The following PFKFB3 variants were observed in gnomAD, a reference collection of about 807,000 sequenced individuals.
PFKFB3 encodes 6-phosphofructo-2-kinase/fructose-2,6-bisphosphatase 3.
A neutral mutation model predicts 68.0 loss-of-function variants in PFKFB3; 33 were observed. That is an observed-to-expected ratio of 0.49 (90% CI 0.37 to 0.65). The LOEUF is 0.65. Ranked by LOEUF, PFKFB3 falls within the 30% of genes least tolerant of loss-of-function variation. The probability of loss-of-function intolerance (pLI) is 0.00; values close to 1 mark genes in which losing one functional copy is unlikely to be tolerated. For missense variants in PFKFB3, 586 were observed against 712.2 expected, an observed-to-expected ratio of 0.82 and a Z score of 2.02; for synonymous variants, 315 against 288.2, an observed-to-expected ratio of 1.09 and a Z score of -0.94.
intron 1 of PFKFB3, among the ~76,000 whole-genome samples, chr10:6,150,929 G>A (rs1031347759): frequency 2.0e-5 from 3 of 152,198 alleles, no homozygotes; most frequent in South Asian, 4.1e-4. Context: ...AACCTGGGGG[G>A]GCGGAGATTG....
intron 6 of PFKFB3, among the ~76,000 whole-genome samples, chr10:6,217,731 C>A (rs562899523): frequency 9.9e-5 from 15 of 152,278 alleles, no homozygotes; most frequent in African/African-American, 3.4e-4. Context: ...ATTGAGGGCA[C>A]TTGGCATCAT....
chr10:6,229,779 C>T lies in PFKFB3; in HGVS notation c.1516-3116C>T, dbSNP rs950354534. Among the ~76,000 whole-genome samples the T allele has an allele frequency of 2.6e-5, 4 of 152,304 alleles. No homozygotes were observed. The highest frequency in any genetic ancestry group is 3.9e-4 in the East Asian group (2 of 5,186). On this transcript the variant is annotated intron_variant, in intron 14 of 14. Transcript: ENST00000379775. The surrounding 1 kb of genome is among the most constrained non-coding windows in gnomAD (Gnocchi z 4.3). ...CCTTTTTGGTACCAGGGACCCGTTT[C>T]GTGGAAGAGAATTTTCCCCACCATG...
Position 6,234,654 on chromosome 10 carries a change from G to C in PFKFB3, c.*1712G>C, listed in dbSNP as rs1564225946. The C allele has an allele frequency of 6.6e-6, 1 of 152,260 alleles. No homozygotes were observed. Among genetic ancestry groups the C allele is most frequent in the African/African-American group, 2.4e-5 (1 of 41,408 alleles). The allele number at this position is 152,260 out of a possible 1,614,324, so 9.4% of individuals were successfully genotyped here. A position where few individuals can be genotyped will look rare whatever the true frequency, so the allele number is the denominator to read the frequency against. The stretch of plus-strand genomic sequence containing the variant: ...CATCAGAATATGTGGGTAGGGGGTG[G>C]ACGTGCACGGGTGCATGATTGTGCT... On this transcript the variant is annotated 3_prime_UTR_variant, in exon 15 of 15. Coordinates refer to ENST00000379775, the MANE Select transcript of PFKFB3 (RefSeq NM_004566.4).
In PFKFB3 at chr10:6,225,028, C is replaced by T. The variant is rs775145671; in HGVS notation, c.1341+815C>T. On this transcript the variant is annotated intron_variant, in intron 13 of 14. Coordinates refer to ENST00000379775, the MANE Select transcript of PFKFB3 (RefSeq NM_004566.4). The stretch of plus-strand genomic sequence containing the variant: ...GCTTCAGGAGACCTCGAGGCCTGGC[C>T]GTGCAGCTGCTGTCTACCTTGGGGG... 23 of 431,846 alleles carry T rather than the reference C, an allele frequency of 5.3e-5. 1 individual carries two copies. Among genetic ancestry groups the T allele is most frequent in the African/African-American group, 2.2e-4 (11 of 49,712 alleles). 26.8% of individuals were successfully genotyped at this position (431,846 alleles called of 1,614,324 possible).
At chr10:6,182,491 G>A (rs529069310) in intron 1 of PFKFB3, among the ~76,000 whole-genome samples, 1 of 152,206 alleles carries the variant, frequency 6.6e-6, no homozygotes, top group African/African-American at 2.4e-5. Context: ...AGAATGAGGG[G>A]CCTTTGAAGT....
At chr10:6,237,229 G>T (rs1846034816), downstream of PFKFB3, among the ~76,000 whole-genome samples, 1 of 152,254 alleles carries the variant, frequency 6.6e-6, no homozygotes, top group African/African-American at 2.4e-5. Flanking sequence ...CGCAGTGTGT[G>T]TTGAATGCCT....
At chr10:6,244,979 G>A (rs7894544) in intron 14 of PFKFB3, among the ~76,000 whole-genome samples, 131,212 of 152,216 alleles carry the variant, frequency 0.86, 57,159 homozygotes, top group Non-Finnish European at 0.91. Context: ...TGGGACCTTC[G>A]AGATCTGCAA....
intron 1 of PFKFB3, among the ~76,000 whole-genome samples, chr10:6,162,984 C>T (rs1448560927): frequency 1.3e-5 from 2 of 152,160 alleles, no homozygotes; most frequent in Non-Finnish European, 2.9e-5. Context: ...TAAATTCAAA[C>T]GGATCAGTTA....
the PFKFB3 span, among the ~76,000 whole-genome samples, chr10:6,279,608 T>C: frequency 1.5e-3 from 228 of 152,206 alleles, no homozygotes; most frequent in Middle Eastern, 3.4e-3. Flanking sequence ...GGGGAATGTC[T>C]CTCCGTCTCT....
chr10:6,208,206 G>T (rs954313661), intron 1 of PFKFB3, among the ~76,000 whole-genome samples: 4 of 152,022 alleles, frequency 2.6e-5, no homozygotes, highest in Non-Finnish European at 4.4e-5. Flanking sequence ...TGAGTAGCTG[G>T]GACTAGGGGC....
chr10:6,262,343 G>A, the PFKFB3 span, among the ~76,000 whole-genome samples: 213 of 128,118 alleles, frequency 1.7e-3, 1 homozygote, highest in South Asian at 2.7e-3. Flanking sequence ...AGTCCCAGCT[G>A]CTCCAGAGGC....
chr10:6,269,782 A>G, the PFKFB3 span, among the ~76,000 whole-genome samples: 1 of 152,190 alleles, frequency 6.6e-6, no homozygotes, highest in Non-Finnish European at 1.5e-5. Context: ...GTCAGAATGC[A>G]TAAATGAAGA....
Position 6,203,062 on chromosome 10 carries a change from G to A in PFKFB3, c.-199G>A. The A allele has an allele frequency of 5.7e-6, 8 of 1,394,072 alleles. No homozygotes were observed. The highest frequency in any genetic ancestry group is 6.5e-6 in the Non-Finnish European group (7 of 1,079,024). The allele number at this position is 1,394,072 out of a possible 1,614,324, so 86.4% of individuals were successfully genotyped here. On this transcript the variant is annotated 5_prime_UTR_variant, in exon 1 of 15. Coordinates refer to ENST00000379775, the MANE Select transcript of PFKFB3 (RefSeq NM_004566.4). ...GGGCATCCCCAGCCTCGCTACCCTC[G>A]CAGCACACGTCGAGCCCCGCACAGG...
rs766381255 is a variant in PFKFB3, at chr10:6,226,317, C to T, written c.1467C>T (p.Ala489=). The T allele has an allele frequency of 4.3e-6, 7 of 1,614,080 alleles. No individual in the cohort carries two copies. The highest frequency in any genetic ancestry group is 5.9e-6 in the Non-Finnish European group (7 of 1,179,996). The change falls in exon 14 of 15, where the codon GCC becomes GCT. Residue 489 remains alanine (A), a synonymous_variant. Coordinates refer to ENST00000379775, the MANE Select transcript of PFKFB3 (RefSeq NM_004566.4). ...FEEHVASTSA[A]LPSCLPPEVP... is the part of the protein sequence containing the mutation. ...AGCATGTGGCCTCCACCTCGGCCGC[C>T]CTGCCCAGCTGCCTGCCCCCGGAGG...
At chr10:6,281,318 G>A in the PFKFB3 span, among the ~76,000 whole-genome samples, 3 of 151,654 alleles carry the variant, frequency 2.0e-5, no homozygotes, top group Non-Finnish European at 2.9e-5. Flanking sequence ...TGTTACAACA[G>A]CCAGCCTGAC....
chr10:6,205,511 G>A (rs2131875141), intron 1 of PFKFB3, among the ~76,000 whole-genome samples: 1 of 148,488 alleles, frequency 6.7e-6, no homozygotes, highest in South Asian at 2.1e-4. Context: ...TCGTGCCTCA[G>A]TCTCCCGAGA....
At chr10:6,249,190 A>G (rs58547315) in intron 14 of PFKFB3, among the ~76,000 whole-genome samples, 59 of 150,922 alleles carry the variant, frequency 3.9e-4, no homozygotes, top group African/African-American at 1.4e-3. Flanking sequence ...AAAAAAAAAA[A>G]AAAAAAAAAA....
chr10:6,208,971 G>C (rs749080244), intron 1 of PFKFB3, among the ~76,000 whole-genome samples: 1 of 152,164 alleles, frequency 6.6e-6, no homozygotes, highest in Non-Finnish European at 1.5e-5. Flanking sequence ...ATGGTACTGC[G>C]GGCTTGTAGA....
At chr10:6,323,761 G>A in the PFKFB3 span, among the ~76,000 whole-genome samples, 6 of 152,324 alleles carry the variant, frequency 3.9e-5, no homozygotes, top group African/African-American at 1.4e-4. Flanking sequence ...AAAAGAGCAT[G>A]TATTGGCCGA....
Sources: allele counts gnomAD v4.1 joint callset (sites outside exome capture counted in the v4.1 genomes callset), GRCh38; gene constraint gnomAD v4.1.1; non-coding constraint Gnocchi (gnomAD v3.1); transcripts MANE v1.5; gene names NCBI Gene and HGNC (gene_info 2026-07-23, HGNC 2026-07-21).